The following CR1 variants were observed in gnomAD, a reference collection of about 807,000 sequenced individuals.
CR1 encodes the protein complement C3b/C4b receptor 1 (Knops blood group), also known as complement receptor type 1.
CR1 carries 116 observed loss-of-function variants against 187.3 expected under a neutral mutation model. The observed-to-expected ratio is 0.62, with a 90% CI of 0.53 to 0.72. The LOEUF is 0.72. CR1 is among the 30% of genes least tolerant of loss of function. The probability of loss-of-function intolerance (pLI) is 0.00; values close to 1 mark genes in which losing one functional copy is unlikely to be tolerated. For missense variants in CR1, 1,731 were observed against 2,110.7 expected (o/e 0.82, Z 3.52); for synonymous variants, 576 against 747.1 (o/e 0.77, Z 3.73).
intron 5 of CR1, among the ~76,000 whole-genome samples, chr1:207,524,641 G>T (rs1660111959): frequency 6.6e-6 from 1 of 151,942 alleles, no homozygotes; most frequent in Non-Finnish European, 1.5e-5. Context: ...ACCCACCTTG[G>T]CCTCCCAAAG....
intron 33 of CR1, among the ~76,000 whole-genome samples, 163 bp downstream of exon 33, chr1:207,585,039 C>T (rs1036894166): frequency 3.9e-5 from 6 of 152,086 alleles, no homozygotes; most frequent in African/African-American, 9.6e-5. Flanking sequence ...GTTTCAGCAG[C>T]GCCAAGGTAT....
chr1:207,611,047 T>C (rs910480033), intron 37 of CR1, among the ~76,000 whole-genome samples: 5 of 152,096 alleles, frequency 3.3e-5, no homozygotes, highest in Admixed American at 3.3e-4. Flanking sequence ...TTTTTTTTTT[T>C]GTACCCATTA....
chr1:207,604,276 TG>T (rs1558261366), intron 35 of CR1, among the ~76,000 whole-genome samples: 1 of 152,210 alleles, frequency 6.6e-6, no homozygotes, highest in Admixed American at 6.5e-5. Context: ...GTATAAGAGT[TG>T]TTTTTATTAT....
In CR1 at chr1:207,584,717, C is replaced by T. The variant is rs770561633; in HGVS notation, c.5371C>T (p.Pro1791Ser). ...CACAGGAACTCCCTCTGGAGATATTCCCTATGGAAAAGAAATATCTTACAC... is the reference window on the plus strand; with the variant it reads ...CACAGGAACTCCCTCTGGAGATATTTCCTATGGAAAAGAAATATCTTACAC... ...RHTGTPSGDI[P>S]YGKEISYTCD... Residue 1791 changes from proline to serine, a missense_variant, in exon 33 of 47, where the codon CCC (proline) becomes TCC (serine). By Grantham distance (74) the Pro-to-Ser change is moderately conservative. Coordinates refer to ENST00000367049, the MANE Select transcript of CR1 (RefSeq NM_000651.6). The T allele has an allele frequency of 6.2e-7, 1 of 1,613,612 alleles. No individual in the cohort carries two copies. Among genetic ancestry groups the T allele is most frequent in the East Asian group, 2.2e-5 (1 of 44,894 alleles).
intron 43 of CR1, among the ~76,000 whole-genome samples, chr1:207,621,001 T>C (rs1446102808): frequency 2.0e-5 from 3 of 152,148 alleles, no homozygotes; most frequent in Non-Finnish European, 4.4e-5. Flanking sequence ...GGGCCAGGTA[T>C]GGTGGCTCAT....
intron 23 of CR1, among the ~76,000 whole-genome samples, chr1:207,564,750 G>A (rs1180420982): frequency 4.7e-5 from 7 of 150,206 alleles, no homozygotes; most frequent in South Asian, 4.2e-4. Flanking sequence ...GCAGTGAGCC[G>A]AGATGGCACC....
Position 207,584,959 on chromosome 1 carries a change from ATTTG to A in CR1, c.5530+89_5530+92del, listed in dbSNP as rs1021165429. 9.0e-6 allele frequency: 14 copies of A among 1,561,238 alleles called. No homozygotes were observed. In the African/African-American group the frequency reaches 1.8e-4, roughly 20 times the overall value. ...CATGTTTCTGTAATAAGACTATGGT[ATTTG>A]TTTGTGAGCTTAACTTTGTCATAAG... On this transcript the variant is annotated intron_variant, in intron 33 of 46. Transcript: ENST00000367049.
chr1:207,513,770 T>TCCTC, intron 4 of CR1, among the ~76,000 whole-genome samples: 1 of 106,078 alleles, frequency 9.4e-6, no homozygotes, highest in Admixed American at 1.0e-4. Context: ...CTCCCTTCCT[T>TCCTC]CCTTCCTTCC....
intron 1 of CR1, among the ~76,000 whole-genome samples, chr1:207,505,301 GT>G (rs1659393000): frequency 6.6e-6 from 1 of 152,038 alleles, no homozygotes; most frequent in Admixed American, 6.6e-5. Flanking sequence ...ACAGGCATGT[GT>G]ACAGGCAAGT....
intron 3 of CR1, among the ~76,000 whole-genome samples, chr1:207,508,194 T>A (rs796961757): frequency 9.8e-5 from 15 of 152,334 alleles, no homozygotes; most frequent in African/African-American, 3.6e-4. Context: ...GTGAAACTAC[T>A]CTGTATGATG....
chr1:207,599,727 A>G (rs1661550103), intron 35 of CR1, among the ~76,000 whole-genome samples: 1 of 152,248 alleles, frequency 6.6e-6, no homozygotes, highest in South Asian at 2.1e-4. Context: ...GCAGAAAAGC[A>G]TATAGAGTTT....
chr1:207,579,339 C>G (rs1466929714), intron 29 of CR1, among the ~76,000 whole-genome samples: 1 of 152,154 alleles, frequency 6.6e-6, no homozygotes, highest in Non-Finnish European at 1.5e-5. Flanking sequence ...CCATGTTAGC[C>G]TTGTGCAACC....
At chr1:207,524,433 A>G (rs1367105610) in intron 5 of CR1, among the ~76,000 whole-genome samples, 3 of 151,990 alleles carry the variant, frequency 2.0e-5, no homozygotes, top group South Asian at 2.1e-4. Context: ...ACTCACGTTG[A>G]ACTGCTGTGG....
chr1:207,620,064 T>C lies in CR1; in HGVS notation c.7251T>C (p.Ser2417=). 1.2e-6 allele frequency: 2 copies of C among 1,607,364 alleles called. No individual in the cohort carries two copies. The highest frequency in any genetic ancestry group is 1.7e-6 in the Non-Finnish European group (2 of 1,178,152). Residue 2417 remains serine (S), a splice_region_variant and synonymous_variant, in exon 43 of 47, where the codon TCT becomes TCC. Transcript: ENST00000367049. The part of the protein sequence containing the change: ...RWDPPLAKCT[S]RTHDALIVGT... ...ACCCTCCTCTGGCCAAATGTACCTCTCGTAAGTGCAAGTGCAAGGAATGTG... is the reference window on the plus strand; with the variant it reads ...ACCCTCCTCTGGCCAAATGTACCTCCCGTAAGTGCAAGTGCAAGGAATGTG...
chr1:207,610,033 T>A (rs1375924039), intron 37 of CR1, among the ~76,000 whole-genome samples: 1 of 152,176 alleles, frequency 6.6e-6, no homozygotes, highest in Non-Finnish European at 1.5e-5. Context: ...TACAGTGGAA[T>A]GTATCATGAA....
At chr1:207,634,840 CACCATGGTGTAGAACA>C (rs1662764260) in intron 46 of CR1, among the ~76,000 whole-genome samples, 1 of 152,202 alleles carries the variant, frequency 6.6e-6, no homozygotes, top group South Asian at 2.1e-4. Flanking sequence ...CCCCTGCTAC[CACCATGGTGTAGAACA>C]ACAGAATCAA....
intron 46 of CR1, among the ~76,000 whole-genome samples, chr1:207,630,825 G>A (rs764284497): frequency 1.2e-4 from 18 of 151,966 alleles, no homozygotes; most frequent in Non-Finnish European, 2.4e-4. Flanking sequence ...CTATAAGTTA[G>A]TACAGTCACA....
chr1:207,626,270 A>G (rs529074296), intron 45 of CR1, among the ~76,000 whole-genome samples: 144 of 152,244 alleles, frequency 9.5e-4, no homozygotes, highest in Non-Finnish European at 1.5e-3. Flanking sequence ...TGTTAGAAAT[A>G]ACACATAGCT....
At chr1:207,632,414 T>TA (rs1258177103) in intron 46 of CR1, among the ~76,000 whole-genome samples, 4 of 152,156 alleles carry the variant, frequency 2.6e-5, no homozygotes, top group Admixed American at 2.0e-4. Context: ...ATAGTTCAAA[T>TA]AAAAATTGTA....
Sources: allele counts gnomAD v4.1 joint callset (sites outside exome capture counted in the v4.1 genomes callset), GRCh38; gene constraint gnomAD v4.1.1; transcripts MANE v1.5; gene names NCBI Gene and HGNC (gene_info 2026-07-23, HGNC 2026-07-21).